The following IRF2 variants were observed in gnomAD, a reference collection of about 807,000 sequenced individuals.
IRF2 encodes the protein interferon regulatory factor 2.
Under a neutral mutation model 40.6 loss-of-function variants are expected in IRF2, and 15 were observed. The ratio of observed to expected loss-of-function variants is 0.37; its 90% CI spans 0.25 to 0.57. IRF2 has a LOEUF of 0.57. IRF2 is among the 20% of genes least tolerant of loss of function. The probability of loss-of-function intolerance (pLI) is 0.77; values close to 1 mark genes in which losing one functional copy is unlikely to be tolerated. For missense variants in IRF2, 317 were observed against 455.7 expected (o/e 0.70, Z 2.77); for synonymous variants, 151 against 165.5 (o/e 0.91, Z 0.67).
chr4:184,421,602 T>C (rs1167621898), intron 2 of IRF2, among the ~76,000 whole-genome samples: 2 of 152,174 alleles, frequency 1.3e-5, no homozygotes, highest in African/African-American at 2.4e-5. Flanking sequence ...CTTAAGAATT[T>C]GCTGTTGCAC....
At chr4:184,438,341 G>C (rs765796263) in intron 1 of IRF2, among the ~76,000 whole-genome samples, 11 of 152,272 alleles carry the variant, frequency 7.2e-5, no homozygotes, top group Non-Finnish European at 1.6e-4. Context: ...AGAGGGTCGT[G>C]GGATCATTTG....
chr4:184,463,016 T>C (rs997329383), intron 1 of IRF2, among the ~76,000 whole-genome samples: 1 of 152,246 alleles, frequency 6.6e-6, no homozygotes, highest in Non-Finnish European at 1.5e-5. Flanking sequence ...ACATAGGTGA[T>C]ACAAATGGAA....
At chr4:184,472,925 G>A (rs945338598) in intron 1 of IRF2, among the ~76,000 whole-genome samples, 8 of 152,232 alleles carry the variant, frequency 5.3e-5, no homozygotes, top group Admixed American at 4.6e-4. Flanking sequence ...AGGAGGAGAG[G>A]GTGGCAAACG....
At chr4:184,444,370 T>C (rs1015876795) in intron 1 of IRF2, among the ~76,000 whole-genome samples, 1 of 152,216 alleles carries the variant, frequency 6.6e-6, no homozygotes, top group Non-Finnish European at 1.5e-5. Flanking sequence ...CCCAGGGCAC[T>C]GCTTCAGGAA....
chr4:184,456,978 C>T (rs1049184847), intron 1 of IRF2, among the ~76,000 whole-genome samples: 56 of 152,228 alleles, frequency 3.7e-4, no homozygotes, highest in African/African-American at 1.2e-3. Context: ...TCAAGGCAGC[C>T]GGTCACCCCA....
intron 1 of IRF2, among the ~76,000 whole-genome samples, chr4:184,454,070 A>T (rs1284810393): frequency 6.6e-6 from 1 of 152,212 alleles, no homozygotes; most frequent in Non-Finnish European, 1.5e-5. Flanking sequence ...CCCAAAAACC[A>T]GTTGCCTGAA....
chr4:184,450,936 C>T (rs1469457697), intron 1 of IRF2, among the ~76,000 whole-genome samples: 2 of 152,294 alleles, frequency 1.3e-5, no homozygotes, highest in East Asian at 3.9e-4. Context: ...TTCACATGCC[C>T]TCCTCCTCCA....
chr4:184,422,832 A>C (rs1379014547), intron 2 of IRF2, among the ~76,000 whole-genome samples: 2 of 152,234 alleles, frequency 1.3e-5, no homozygotes, highest in Non-Finnish European at 2.9e-5. Flanking sequence ...TGACTGATTA[A>C]TGGGTACAGC....
chr4:184,443,332 C>A (rs538992443), intron 1 of IRF2, among the ~76,000 whole-genome samples: 1 of 152,238 alleles, frequency 6.6e-6, no homozygotes, highest in African/African-American at 2.4e-5. Context: ...GAACATAGTA[C>A]CCAATAGGTA....
At chr4:184,463,307 TCA>T (rs1410877518) in intron 1 of IRF2, among the ~76,000 whole-genome samples, 1 of 152,214 alleles carries the variant, frequency 6.6e-6, no homozygotes, top group African/African-American at 2.4e-5. Context: ...TGTATTGTCT[TCA>T]CACCTTGATT....
At chr4:184,422,963 T>C (rs765383058) in intron 2 of IRF2, among the ~76,000 whole-genome samples, 1 of 152,238 alleles carries the variant, frequency 6.6e-6, no homozygotes, top group Non-Finnish European at 1.5e-5. Context: ...TTACCTAGTT[T>C]TTCATACTTC....
chr4:184,391,401 C>T (rs1404307457), intron 7 of IRF2, among the ~76,000 whole-genome samples: 1 of 152,198 alleles, frequency 6.6e-6, no homozygotes, highest in Non-Finnish European at 1.5e-5. Context: ...GATCATGTTA[C>T]ATAACTCAGA....
intron 1 of IRF2, among the ~76,000 whole-genome samples, chr4:184,461,650 G>T (rs1309767229): frequency 6.6e-6 from 1 of 152,046 alleles, no homozygotes; most frequent in African/African-American, 2.4e-5. Context: ...GATCAAAATA[G>T]TCAACGGTTT....
chr4:184,462,819 C>T (rs1045889960), intron 1 of IRF2, among the ~76,000 whole-genome samples: 12 of 152,112 alleles, frequency 7.9e-5, no homozygotes, highest in African/African-American at 2.7e-4. Context: ...ATTCATATAC[C>T]ATTAGGTTTC....
intron 6 of IRF2, among the ~76,000 whole-genome samples, chr4:184,406,875 C>CAAA (rs1561090237): frequency 2.0e-5 from 3 of 152,036 alleles, no homozygotes; most frequent in Non-Finnish European, 4.4e-5. Flanking sequence ...AAACAATTCC[C>CAAA]GAAAAAAGAA....
chr4:184,399,035 T>C lies in IRF2; in HGVS notation c.574A>G (p.Ile192Val). Residue 192 changes from isoleucine (I) to valine (V), a missense_variant, in exon 7 of 9, where the codon ATT (isoleucine) becomes GTT (valine). Physicochemically the swap from Ile to Val is conservative, Grantham distance 29 (BLOSUM62 3). Around this residue, in one of 2 missense-constraint regions of IRF2, gnomAD observed 262 missense variants for 334.0 expected, o/e 0.78. Coordinates refer to ENST00000393593, the MANE Select transcript of IRF2 (RefSeq NM_002199.4). ...HLDSNIENQEIVTNPPDICQV... is the reference protein window; with the variant it reads ...HLDSNIENQEVVTNPPDICQV... ...CAAATGTCTGGCGGATTGGTGACAA[T>C]CTCTTGATTCTCAATGTTGCTGTCC... The C allele has an allele frequency of 6.2e-7, 1 of 1,612,316 alleles. No individual in the cohort carries two copies. Among genetic ancestry groups the C allele is most frequent in the Non-Finnish European group, 8.5e-7 (1 of 1,179,276 alleles).
chr4:184,468,209 T>A (rs1467218431), intron 1 of IRF2, among the ~76,000 whole-genome samples: 1 of 152,126 alleles, frequency 6.6e-6, no homozygotes, highest in Non-Finnish European at 1.5e-5. Context: ...AAAACTGGGC[T>A]GGGCGCGGTG....
intron 6 of IRF2, among the ~76,000 whole-genome samples, chr4:184,400,661 C>T (rs903644320): frequency 3.3e-5 from 5 of 152,172 alleles, no homozygotes; most frequent in African/African-American, 1.2e-4. Flanking sequence ...AGTGACCGTG[C>T]CATTTTACAT....
At chr4:184,441,999 A>G (rs1038128080) in intron 1 of IRF2, among the ~76,000 whole-genome samples, 3 of 151,910 alleles carry the variant, frequency 2.0e-5, no homozygotes, top group Admixed American at 2.0e-4. Context: ...AGGGCCCCAC[A>G]CCTCCGTCTG....
Sources: gnomAD v4.1 joint callset for allele counts (sites outside exome capture counted in the v4.1 genomes callset) on GRCh38, gnomAD v4.1.1 for gene constraint, gnomAD v4.1.1 regional missense constraint, MANE v1.5 for transcripts, NCBI Gene and HGNC (gene_info 2026-07-23, HGNC 2026-07-21) for gene names.